The following TBC1D9 variants were observed in gnomAD, a reference collection of about 807,000 sequenced individuals.
The protein encoded by TBC1D9 is TBC1 domain family member 9A.
In TBC1D9, 63 loss-of-function variants were observed where a neutral mutation model predicts 132.0. The observed-to-expected ratio is 0.48, with a 90% CI of 0.39 to 0.59. The LOEUF is 0.59. TBC1D9 is among the 20% of genes least tolerant of loss of function. The pLI is 0.00. For missense variants in TBC1D9, 1,261 were observed against 1,592.7 expected (o/e 0.79, Z 3.54); for synonymous variants, 610 against 609.9 (o/e 1.00, Z 0.00).
At chr4:140,749,832 G>T (rs1738894336) in intron 1 of TBC1D9, among the ~76,000 whole-genome samples, 1 of 152,050 alleles carries the variant, frequency 6.6e-6, no homozygotes, top group African/African-American at 2.4e-5. Flanking sequence ...CCATAAGAAT[G>T]AGACAAAAGC....
At chr4:140,730,066 G>A (rs1339406948) in intron 1 of TBC1D9, among the ~76,000 whole-genome samples, 3 of 152,088 alleles carry the variant, frequency 2.0e-5, no homozygotes, top group Non-Finnish European at 4.4e-5. Context: ...AAATCAGGCA[G>A]AAAAAAGTCT....
intron 13 of TBC1D9, chr4:140,642,835 G>A (rs1223759250): frequency 8.5e-6 from 5 of 589,384 alleles, no homozygotes; most frequent in Non-Finnish European, 1.5e-5. Flanking sequence ...CGGGCGACAG[G>A]GCTCTCGGGG....
At chr4:140,631,475 C>A (rs1469878380) in intron 16 of TBC1D9, among the ~76,000 whole-genome samples, 1 of 152,142 alleles carries the variant, frequency 6.6e-6, no homozygotes, top group Non-Finnish European at 1.5e-5. Flanking sequence ...CCTGCCTCAG[C>A]CTGAAACCCC....
chr4:140,673,185 T>C lies in TBC1D9; in HGVS notation c.1060-2259A>G, dbSNP rs114258592. Among the ~76,000 whole-genome samples, 1,112 of 151,138 alleles carry C rather than the reference T, an allele frequency of 7.4e-3. 7 individuals are homozygous for C. The highest frequency in any genetic ancestry group is 0.025 in the African/African-American group (1,023 of 41,264). ...CCCATATCAAAAAAAAAAAAAAAAT[T>C]CCTTCTCTTGCTGGCTTAATAATTT... On this transcript the variant is annotated intron_variant, in intron 6 of 20. Coordinates refer to ENST00000442267, the MANE Select transcript of TBC1D9 (RefSeq NM_015130.3).
Position 140,657,737 on chromosome 4 carries a change from T to A in TBC1D9, c.1997A>T (p.Asp666Val). 6.2e-7 allele frequency: 1 copy of A among 1,614,002 alleles called. No homozygotes were observed. The highest frequency in any genetic ancestry group is 8.5e-7 in the Non-Finnish European group (1 of 1,179,884). Residue 666 changes from aspartate (D) to valine (V), a missense_variant, in exon 12 of 21, where the codon GAC becomes GTC. Coordinates refer to ENST00000442267, the MANE Select transcript of TBC1D9 (RefSeq NM_015130.3). The part of the protein sequence containing the change: ...YVPQLYDCMQ[D>V]LGVISTISLS... ...GGAGATGGTGGAAATCACGCCCAGG[T>A]CTTGCATGCAGTCGTACAGCTGTGG... is the stretch of plus-strand genomic sequence containing the variant.
At chr4:140,680,427 A>G (rs1023509114) in intron 3 of TBC1D9, among the ~76,000 whole-genome samples, 1 of 152,224 alleles carries the variant, frequency 6.6e-6, no homozygotes, top group Non-Finnish European at 1.5e-5. Context: ...GAAATGAAAC[A>G]TCTGCATAGC....
At chr4:140,700,116 G>C (rs1251933939) in intron 2 of TBC1D9, among the ~76,000 whole-genome samples, 1 of 151,478 alleles carries the variant, frequency 6.6e-6, no homozygotes, top group Non-Finnish European at 1.5e-5. Context: ...GGGCAACACA[G>C]AGAGACACCA....
chr4:140,716,326 A>C (rs2111053645), intron 1 of TBC1D9, among the ~76,000 whole-genome samples: 1 of 152,252 alleles, frequency 6.6e-6, no homozygotes, highest in Middle Eastern at 3.4e-3. Context: ...TATGTCTACA[A>C]AAAGTTTTTT....
chr4:140,699,675 A>G (rs1369973218), intron 2 of TBC1D9, among the ~76,000 whole-genome samples: 1 of 152,354 alleles, frequency 6.6e-6, no homozygotes, highest in Non-Finnish European at 1.5e-5. Flanking sequence ...GAGGAGCCTA[A>G]CGGGATATGA....
intron 1 of TBC1D9, among the ~76,000 whole-genome samples, chr4:140,734,745 T>C (rs1578861431): frequency 1.3e-5 from 2 of 152,252 alleles, no homozygotes; most frequent in South Asian, 4.1e-4. Context: ...CAATGAGCTA[T>C]GATCAAGCTG....
chr4:140,717,879 A>G (rs1478566369), intron 1 of TBC1D9, among the ~76,000 whole-genome samples: 1 of 152,182 alleles, frequency 6.6e-6, no homozygotes, highest in Non-Finnish European at 1.5e-5. Context: ...ACAACTTCCC[A>G]GTGGTACCCC....
chr4:140,626,242 T>A (rs1316289039), intron 18 of TBC1D9, among the ~76,000 whole-genome samples: 3 of 152,218 alleles, frequency 2.0e-5, no homozygotes, highest in African/African-American at 7.2e-5. Flanking sequence ...AATGTCTTAT[T>A]ACATTCTCTT....
chr4:140,697,048 A>G (rs931473967), intron 2 of TBC1D9, among the ~76,000 whole-genome samples: 37 of 152,200 alleles, frequency 2.4e-4, no homozygotes, highest in African/African-American at 8.9e-4. Context: ...AGGAGCCAGT[A>G]ACTTGGATTT....
At chr4:140,654,924 A>G (rs904469119) in intron 13 of TBC1D9, among the ~76,000 whole-genome samples, 19 of 152,172 alleles carry the variant, frequency 1.2e-4, no homozygotes, top group African/African-American at 4.6e-4. Flanking sequence ...AATGCTATAT[A>G]ATACTGAAAA....
intron 15 of TBC1D9, among the ~76,000 whole-genome samples, chr4:140,637,897 A>G (rs1736906294): frequency 6.6e-6 from 1 of 152,208 alleles, no homozygotes; most frequent in Admixed American, 6.5e-5. Context: ...GGACTGTGTT[A>G]TATTGAGAAC....
intron 1 of TBC1D9, among the ~76,000 whole-genome samples, chr4:140,723,544 G>A (rs1738454682): frequency 6.6e-6 from 1 of 152,094 alleles, no homozygotes; most frequent in Non-Finnish European, 1.5e-5. Context: ...ATAGTGGCCA[G>A]GCTGGTCTCA....
chr4:140,642,955 T>G (rs1414100117), intron 13 of TBC1D9: 4 of 642,792 alleles, frequency 6.2e-6, no homozygotes, highest in East Asian at 5.5e-5. Flanking sequence ...TGCTTCTCCT[T>G]GTACTGGTGC....
chr4:140,748,421 G>A (rs996978335), intron 1 of TBC1D9, among the ~76,000 whole-genome samples: 5 of 150,902 alleles, frequency 3.3e-5, no homozygotes, highest in African/African-American at 9.8e-5. Flanking sequence ...AGGGGATGAA[G>A]GAAAGGCCAT....
chr4:140,670,901 C>T lies in TBC1D9; in HGVS notation c.1085G>A (p.Ser362Asn). ...TAAGGGACTGGGGAGCACACTGGAG[C>T]TGTCTGCCTTTTCCACAATTGTCAC... The part of the protein sequence containing the change: ...REVTIVEKAD[S>N]SSVLPSPLSI... Residue 362 changes from serine (S) to asparagine (N), a missense_variant, in exon 7 of 21, where the codon AGC becomes AAC. Ser to Asn is a conservative substitution (Grantham distance 46). This residue lies in a region of TBC1D9 where 550 missense variants were observed against 699.0 expected (regional missense o/e 0.79). Transcript: ENST00000442267. 1 of 1,613,976 alleles carries T rather than the reference C, an allele frequency of 6.2e-7. No individual in the cohort carries two copies. The highest frequency in any genetic ancestry group is 1.1e-5 in the South Asian group (1 of 91,072).
Sources: allele counts gnomAD v4.1 joint callset (sites outside exome capture counted in the v4.1 genomes callset), GRCh38; gene constraint gnomAD v4.1.1; regional missense constraint gnomAD v4.1.1; transcripts MANE v1.5; gene names NCBI Gene and HGNC (gene_info 2026-07-23, HGNC 2026-07-21).